Variants in CPA6 observed in about 807,000 individuals in gnomAD.
The protein encoded by CPA6 is carboxypeptidase B.
A neutral mutation model predicts 63.3 loss-of-function variants in CPA6; 58 were observed. The ratio of observed to expected loss-of-function variants is 0.92; its 90% confidence interval spans 0.74 to 1.14. CPA6 has a LOEUF of 1.14. CPA6 is among the 50% of genes most tolerant of loss of function. The pLI is 0.00. For synonymous variants in CPA6, 185 were observed against 179.0 expected, an observed-to-expected ratio of 1.03 and a Z score of -0.27; for missense variants, 565 against 526.6, an observed-to-expected ratio of 1.07 and a Z score of -0.71.
intron 8 of CPA6, among the ~76,000 whole-genome samples, chr8:67,439,111 A>G (rs969567065): frequency 2.6e-5 from 4 of 152,148 alleles, no homozygotes; most frequent in Admixed American, 2.0e-4. Context: ...CCTGGCCAAC[A>G]TAGTGAGATC....
Position 67,425,899 on chromosome 8 carries a change from C to CT in CPA6, c.1126+2147dup, listed in dbSNP as rs910164836. On this transcript the variant is annotated intron_variant, in intron 10 of 10. Coordinates refer to ENST00000297770, the MANE Select transcript of CPA6 (RefSeq NM_020361.5). The stretch of plus-strand genomic sequence containing the variant: ...CCTCATTTCTTTTTCTTTTTCTTTT[C>CT]TTTTTTTTTTTTTTTGAAACAGAAT... 4.3e-3 allele frequency among the ~76,000 whole-genome samples: 587 copies of CT among 138,050 alleles called. 4 individuals are homozygous for CT. Among genetic ancestry groups the CT allele is most frequent in the Middle Eastern group, 7.7e-3 (2 of 260 alleles). 90.6% of individuals were successfully genotyped at this position (138,050 alleles called of 152,430 possible).
chr8:67,667,349 G>T (rs1001692676), intron 1 of CPA6, among the ~76,000 whole-genome samples: 2 of 151,942 alleles, frequency 1.3e-5, no homozygotes, highest in African/African-American at 4.8e-5. Context: ...TAGCCCTTTA[G>T]CCCCCAGGTT....
chr8:67,596,334 T>C (rs115594253), intron 2 of CPA6, among the ~76,000 whole-genome samples: 288 of 152,320 alleles, frequency 1.9e-3, no homozygotes, highest in African/African-American at 6.6e-3. Flanking sequence ...GTTCTTATTA[T>C]TTTGCAATTA....
chr8:67,579,294 T>A (rs900238320), intron 2 of CPA6, among the ~76,000 whole-genome samples: 1 of 152,122 alleles, frequency 6.6e-6, no homozygotes, highest in Non-Finnish European at 1.5e-5. Context: ...GTGCCTGTAA[T>A]CCCAGCTGCT....
chr8:67,464,319 A>G (rs921958752), intron 8 of CPA6, among the ~76,000 whole-genome samples: 18 of 152,088 alleles, frequency 1.2e-4, no homozygotes, highest in African/African-American at 4.1e-4. Context: ...TTTTCTTTTG[A>G]GAAATGTAGA....
chr8:67,557,892 G>C (rs1308520887), intron 2 of CPA6, among the ~76,000 whole-genome samples: 2 of 152,122 alleles, frequency 1.3e-5, no homozygotes, highest in Non-Finnish European at 2.9e-5. Context: ...TCATGGCTGA[G>C]ACCCTCCCCG....
chr8:67,478,200 C>A (rs11779485), intron 8 of CPA6, among the ~76,000 whole-genome samples: 67,731 of 151,730 alleles, frequency 0.45, 16,430 homozygotes, highest in African/African-American at 0.67. Flanking sequence ...AACTGGATTC[C>A]GAGAGCTCCG....
At position 67,736,901 on chromosome 8, in the gene CPA6, T is replaced by C. The variant is rs751561114; in HGVS notation, c.116+9113A>G. On this transcript the variant is annotated intron_variant, in intron 1 of 10. Transcript: ENST00000297770. Reference sequence around the variant, plus strand: ...TTCCCTCTGTGAAATAGTGGAAAAATTGTGAAAATTCTACCTCCTAAATAT... The same window carrying C: ...TTCCCTCTGTGAAATAGTGGAAAAACTGTGAAAATTCTACCTCCTAAATAT... Among the ~76,000 whole-genome samples, 16 of 152,318 alleles carry C rather than the reference T, an allele frequency of 1.1e-4. 1 individual carries two copies. Among genetic ancestry groups the C allele is most frequent in the Middle Eastern group, 6.8e-3 (2 of 294 alleles).
chr8:67,631,755 G>A (rs1291290792), intron 1 of CPA6, among the ~76,000 whole-genome samples: 4 of 152,178 alleles, frequency 2.6e-5, no homozygotes, highest in Non-Finnish European at 5.9e-5. Flanking sequence ...TTTATGAGCT[G>A]TAACACTCAC....
chr8:67,620,905 A>G (rs1342842644), intron 2 of CPA6, among the ~76,000 whole-genome samples: 1 of 152,174 alleles, frequency 6.6e-6, no homozygotes, highest in Non-Finnish European at 1.5e-5. Context: ...GGAAAGTTGG[A>G]TATCAGGAGG....
chr8:67,461,581 C>T (rs1810808053), intron 8 of CPA6, among the ~76,000 whole-genome samples: 1 of 152,270 alleles, frequency 6.6e-6, no homozygotes, highest in Non-Finnish European at 1.5e-5. Flanking sequence ...GTTGGGTACA[C>T]CTCCCAGACG....
intron 9 of CPA6, among the ~76,000 whole-genome samples, chr8:67,430,391 G>C (rs1032762185): frequency 6.6e-6 from 1 of 151,812 alleles, no homozygotes; most frequent in East Asian, 1.9e-4. Flanking sequence ...TGTTGGTCAG[G>C]CTGGTCTCAA....
At chr8:67,446,317 T>G (rs563026020) in intron 8 of CPA6, among the ~76,000 whole-genome samples, 64 of 152,164 alleles carry the variant, frequency 4.2e-4, no homozygotes, top group Non-Finnish European at 8.5e-4. Context: ...GTATTATTTA[T>G]TTCTTTTTCT....
Position 67,560,423 on chromosome 8 carries a change from T to C in CPA6, c.193-42376A>G, listed in dbSNP as rs189556791. Among the ~76,000 whole-genome samples the C allele has an allele frequency of 4.6e-3, 692 of 152,006 alleles. 4 individuals carry two copies. Among genetic ancestry groups the C allele is most frequent in the African/African-American group, 0.016 (646 of 41,440 alleles). On this transcript the variant is annotated intron_variant, in intron 2 of 10. Coordinates refer to ENST00000297770, the MANE Select transcript of CPA6 (RefSeq NM_020361.5). ...GGAAGAAATACAAAGCTTTCAAAGG[T>C]AGGAAATAAGTTAACAGTCTTCTGC...
intron 1 of CPA6, among the ~76,000 whole-genome samples, chr8:67,681,220 T>TTTTTTTTTTTTTTTTTTTAGG: frequency 7.7e-6 from 1 of 129,832 alleles, no homozygotes; most frequent in African/African-American, 3.2e-5. Flanking sequence ...TTTTTTTTTT[T>TTTTTTTTTTTTTTTTTTTAGG]GAGACGGAGT....
intron 2 of CPA6, among the ~76,000 whole-genome samples, chr8:67,538,821 G>A (rs375106888): frequency 5.5e-4 from 83 of 151,942 alleles, no homozygotes; most frequent in African/African-American, 1.8e-3. Context: ...CACTATGCCC[G>A]GCTAATTTTT....
At chr8:67,725,220 GTTCA>G (rs1311392716) in intron 1 of CPA6, among the ~76,000 whole-genome samples, 2 of 152,150 alleles carry the variant, frequency 1.3e-5, no homozygotes, top group Admixed American at 1.3e-4. Flanking sequence ...CTGTTTACTT[GTTCA>G]TTGTTTGTTT....
intron 2 of CPA6, among the ~76,000 whole-genome samples, chr8:67,544,056 G>A (rs1453449963): frequency 6.6e-6 from 1 of 152,024 alleles, no homozygotes; most frequent in Non-Finnish European, 1.5e-5. Context: ...CCAAAGTGTT[G>A]GGATTATAGA....
At chr8:67,695,839 C>T (rs980677540) in intron 1 of CPA6, among the ~76,000 whole-genome samples, 11 of 152,148 alleles carry the variant, frequency 7.2e-5, no homozygotes, top group African/African-American at 2.7e-4. Flanking sequence ...TCAAGGGGTA[C>T]AGATGGGAGG....
Sources: gnomAD v4.1 joint callset for allele counts (sites outside exome capture counted in the v4.1 genomes callset) on GRCh38, gnomAD v4.1.1 for gene constraint, MANE v1.5 for transcripts, NCBI Gene and HGNC (gene_info 2026-07-23, HGNC 2026-07-21) for gene names.